FRMPD1: variants seen among roughly 807,000 people sequenced by gnomAD.
FRMPD1 encodes FERM and PDZ domain containing 1.
In FRMPD1, 76 loss-of-function variants were observed where a neutral mutation model predicts 117.8. The ratio of observed to expected loss-of-function variants is 0.65; its 90% CI spans 0.54 to 0.78. FRMPD1 has a LOEUF of 0.78. Ranked by LOEUF, FRMPD1 falls within the 30% of genes least tolerant of loss-of-function variation. FRMPD1 has a pLI of 0.00. For missense variants in FRMPD1, 1,786 were observed against 1,964.5 expected (o/e 0.91, Z 1.72); for synonymous variants, 783 against 770.4 (o/e 1.02, Z -0.27).
rs760213643 is a variant in FRMPD1, at chr9:37,744,789, G to C, written c.2757G>C (p.Arg919Ser). The C allele has an allele frequency of 1.2e-6, 2 of 1,614,024 alleles. No individual in the cohort carries two copies. Among genetic ancestry groups the C allele is most frequent in the Admixed American group, 1.7e-5 (1 of 60,014 alleles). ...RETKSTNPASRVMEMEPETME... is the reference protein window; with the variant it reads ...RETKSTNPASSVMEMEPETME... ...CCAAGAGCACAAACCCAGCCTCCAGGGTCATGGAGATGGAGCCCGAGACCA... is the reference window on the plus strand; with the variant it reads ...CCAAGAGCACAAACCCAGCCTCCAGCGTCATGGAGATGGAGCCCGAGACCA... The change falls in exon 16 of 16, where the codon AGG (arginine) becomes AGC (serine). Residue 919 changes from arginine (R) to serine (S), a missense_variant. Transcript: ENST00000377765.
intron 1 of FRMPD1, among the ~76,000 whole-genome samples, chr9:37,659,717 C>T (rs1221334365): frequency 2.6e-5 from 4 of 151,882 alleles, no homozygotes. Context: ...AGGAAATGCT[C>T]CTTGACAACC....
At position 37,731,638 on chromosome 9, in the gene FRMPD1, G is replaced by A. The variant is rs57008602; in HGVS notation, c.858+535G>A. Among the ~76,000 whole-genome samples, 703 of 152,278 alleles carry A rather than the reference G, an allele frequency of 4.6e-3. 5 individuals are homozygous for A. Among genetic ancestry groups the A allele is most frequent in the East Asian group, 0.038 (198 of 5,186 alleles). ...TGTAATGTCAGCATTTTAGGAGGCC[G>A]AGGCAGGTGGACCACTTGAGGTCAG... On this transcript the variant is annotated intron_variant, in intron 9 of 15. Transcript: ENST00000377765.
the FRMPD1 span, among the ~76,000 whole-genome samples, chr9:37,639,841 TG>T: frequency 6.6e-6 from 1 of 152,278 alleles, no homozygotes; most frequent in African/African-American, 2.4e-5. Context: ...TTGTATTTTT[TG>T]TAGAGACTGC....
the FRMPD1 span, among the ~76,000 whole-genome samples, chr9:37,613,970 T>C: frequency 2.0e-5 from 3 of 152,236 alleles, no homozygotes; most frequent in Non-Finnish European, 4.4e-5. Context: ...ATTTGTCAAA[T>C]GACTGAATAA....
Position 37,746,780 on chromosome 9 carries a change from G to A in FRMPD1, c.*11G>A, listed in dbSNP as rs777884822. On this transcript the variant is annotated 3_prime_UTR_variant, in exon 16 of 16. Transcript: ENST00000377765. ...TCCACGGCCCTGTAAACAGGTCAAC[G>A]GCCCAAGGGCCTCCTGCCCTGTCCT... The A allele has an allele frequency of 9.4e-6, 15 of 1,593,140 alleles. No homozygotes were observed. The South Asian group carries it at 1.3e-4, about 14-fold the overall frequency.
Position 37,746,651 on chromosome 9 carries a change from C to T in FRMPD1, c.4619C>T (p.Ser1540Leu), listed in dbSNP as rs145589109. 3.3e-4 allele frequency: 530 copies of T among 1,613,880 alleles called. No homozygotes were observed. Among genetic ancestry groups the T allele is most frequent in the Admixed American group, 1.4e-3 (87 of 60,016 alleles). ...CATCAGTTTATAGAGGCTGCTAAAT[C>T]GACCTGCGAGAGAGGCTACCACGAC... is the stretch of plus-strand genomic sequence containing the variant. ...TYHQFIEAAKSTCERGYHDLS... is the reference protein window; with the variant it reads ...TYHQFIEAAKLTCERGYHDLS... The change falls in exon 16 of 16, where the codon TCG becomes TTG. Residue 1540 changes from serine to leucine, a missense_variant. Physicochemically the swap from Ser to Leu is moderately radical, Grantham distance 145. Coordinates refer to ENST00000377765, the MANE Select transcript of FRMPD1 (RefSeq NM_014907.3).
intron 6 of FRMPD1, among the ~76,000 whole-genome samples, chr9:37,723,763 CG>C (rs1263739524): frequency 1.3e-5 from 2 of 151,840 alleles, no homozygotes; most frequent in African/African-American, 4.8e-5. Flanking sequence ...GAGGCTGAGG[CG>C]GGTGGATCAC....
At chr9:37,623,698 T>G in the FRMPD1 span, among the ~76,000 whole-genome samples, 1 of 152,074 alleles carries the variant, frequency 6.6e-6, no homozygotes, top group Non-Finnish European at 1.5e-5. Context: ...TGATTAGAAT[T>G]GTGCACCAAG....
Position 37,692,733 on chromosome 9 carries a change from G to C in FRMPD1, c.92G>C (p.Ser31Thr). The C allele has an allele frequency of 6.2e-7, 1 of 1,611,078 alleles. No individual in the cohort carries two copies. Among genetic ancestry groups the C allele is most frequent in the Non-Finnish European group, 8.5e-7 (1 of 1,177,276 alleles). The change falls in exon 2 of 16, where the codon AGC (serine) becomes ACC (threonine). Residue 31 changes from serine to threonine, a missense_variant. Transcript: ENST00000377765. ...VARWLRRSRD[S>T]SARAKVAAAD... ...AGATGGCTTCGGCGCTCCCGGGACA[G>C]CTCGGCCCGGTAAGCCTCCTGAGTT...
the FRMPD1 span, among the ~76,000 whole-genome samples, chr9:37,623,043 C>T: frequency 1.3e-5 from 2 of 152,020 alleles, no homozygotes; most frequent in Admixed American, 1.3e-4. Context: ...ACAAAATAGG[C>T]AAATATGCAG....
chr9:37,620,323 C>T, the FRMPD1 span, among the ~76,000 whole-genome samples: 3 of 152,160 alleles, frequency 2.0e-5, no homozygotes, highest in African/African-American at 7.2e-5. Flanking sequence ...AGTTTCGCCA[C>T]TGACAAGGCA....
chr9:37,718,160 G>A (rs773213216), intron 5 of FRMPD1, among the ~76,000 whole-genome samples: 1 of 152,212 alleles, frequency 6.6e-6, no homozygotes, highest in Non-Finnish European at 1.5e-5. Flanking sequence ...TTCACTTCAT[G>A]TACTTCATGG....
chr9:37,637,731 G>T, the FRMPD1 span, among the ~76,000 whole-genome samples: 2 of 152,168 alleles, frequency 1.3e-5, no homozygotes, highest in African/African-American at 4.8e-5. Flanking sequence ...CCGTAAGACA[G>T]GAGCTATATC....
At chr9:37,697,410 CA>C (rs1822358861) in intron 2 of FRMPD1, among the ~76,000 whole-genome samples, 1 of 150,304 alleles carries the variant, frequency 6.7e-6, no homozygotes, top group Non-Finnish European at 1.5e-5. Flanking sequence ...AAAAAAAAAA[CA>C]AAAAAATTAG....
At chr9:37,721,829 T>G (rs1035100870) in intron 6 of FRMPD1, among the ~76,000 whole-genome samples, 1 of 152,204 alleles carries the variant, frequency 6.6e-6, no homozygotes, top group Non-Finnish European at 1.5e-5. Flanking sequence ...ATTATGAACA[T>G]TAAGCCCACC....
chr9:37,663,223 G>C (rs776064369), intron 1 of FRMPD1, among the ~76,000 whole-genome samples: 3 of 152,114 alleles, frequency 2.0e-5, no homozygotes, highest in Non-Finnish European at 4.4e-5. Flanking sequence ...TGTTCACTGG[G>C]GATTGCTGAG....
At chr9:37,735,884 C>G in intron 13 of FRMPD1, 150 bp downstream of exon 13, 1 of 607,482 alleles carries the variant, frequency 1.6e-6, no homozygotes, top group Non-Finnish European at 2.7e-6. Context: ...TTCTATCAAA[C>G]GGAAAGTGGT....
At position 37,740,873 on chromosome 9, in the gene FRMPD1, GC is replaced by G. The variant is rs771215197; in HGVS notation, c.2351del (p.Pro784ArgfsTer45). 1.2e-6 allele frequency: 2 copies of G among 1,613,760 alleles called. No homozygotes were observed. Among genetic ancestry groups the G allele is most frequent in the East Asian group, 2.2e-5 (1 of 44,862 alleles). ...YDAADKLTPPGPPSGPRDVST... is the reference protein window; with the variant it reads ...YDAADKLTPPXPPSGPRDVST... The stretch of plus-strand genomic sequence containing the variant: ...GCGGCTGATAAGCTCACTCCCCCAG[GC>G]CCCCCGTCAGGTGAGCCGTCCCTTG... On this transcript the variant is annotated frameshift_variant, in exon 15 of 16. Transcript: ENST00000377765. LOFTEE classifies it low-confidence loss of function (END_TRUNC). This position sits in a 1 kb window ranked among gnomAD's most constrained non-coding sequence, Gnocchi z 4.2.
At chr9:37,650,357 G>T (rs895478326), upstream of FRMPD1, among the ~76,000 whole-genome samples, 1 of 152,202 alleles carries the variant, frequency 6.6e-6, no homozygotes, top group Non-Finnish European at 1.5e-5. Flanking sequence ...GAACCCTCAA[G>T]GAGACCGAGG....
Sources: allele counts gnomAD v4.1 joint callset (sites outside exome capture counted in the v4.1 genomes callset), GRCh38; gene constraint gnomAD v4.1.1; non-coding constraint Gnocchi (gnomAD v3.1); transcripts MANE v1.5; gene names NCBI Gene and HGNC (gene_info 2026-07-23, HGNC 2026-07-21).